ETV4: variants seen among roughly 807,000 people sequenced by gnomAD.
ETV4 encodes the protein ETS translocation variant 4.
ETV4 carries 42 observed loss-of-function variants against 65.9 expected under a neutral mutation model. The observed-to-expected ratio is 0.64, with a 90% CI of 0.50 to 0.82. ETV4 has a LOEUF of 0.82. Among genes scored for constraint, ETV4 ranks in the 40% least tolerant of loss-of-function variants. ETV4 has a pLI of 0.00. For missense variants in ETV4, 583 were observed against 630.3 expected, an observed-to-expected ratio of 0.92 and a Z score of 0.80; for synonymous variants, 238 against 260.0, an observed-to-expected ratio of 0.92 and a Z score of 0.81.
In ETV4 at chr17:43,532,772, C is replaced by T; in HGVS notation, c.713G>A (p.Gly238Asp). 1 of 1,614,026 alleles carries T rather than the reference C, an allele frequency of 6.2e-7. No homozygotes were observed. Among genetic ancestry groups the T allele is most frequent in the Non-Finnish European group, 8.5e-7 (1 of 1,180,000 alleles). Residue 238 changes from glycine (G) to aspartate (D), a missense_variant, in exon 8 of 13, where the codon GGC becomes GAC. Gly to Asp is a moderately conservative substitution (Grantham distance 94). Transcript: ENST00000319349. ...EYHDPLYEQA[G>D]QPAVDQGGVN... is the part of the protein sequence containing the mutation. ...CCCACCCTGGTCCACGGCTGGCTGGCCCGCCTGTTCATACAGGGGATCATG... is the reference window on the plus strand; with the variant it reads ...CCCACCCTGGTCCACGGCTGGCTGGTCCGCCTGTTCATACAGGGGATCATG...
chr17:43,534,710 C>A (rs112341138), intron 5 of ETV4, among the ~76,000 whole-genome samples: 2,108 of 152,164 alleles, frequency 0.014, 40 homozygotes, highest in African/African-American at 0.048. Flanking sequence ...GAGGCCGAGG[C>A]GGGCGGATCA....
chr17:43,542,925 C>T (rs538168657), intron 4 of ETV4, among the ~76,000 whole-genome samples: 1 of 152,314 alleles, frequency 6.6e-6, no homozygotes, highest in Admixed American at 6.5e-5. Flanking sequence ...AAGCTAGTCC[C>T]TCCCTGCCAC....
intron 12 of ETV4, 46 bp downstream of exon 12, chr17:43,529,089 C>G (rs988391364): frequency 1.3e-6 from 2 of 1,581,188 alleles, no homozygotes; most frequent in Non-Finnish European, 1.7e-6. Flanking sequence ...CAGCTTCTCA[C>G]AGCCACTGCC....
chr17:43,530,176 T>A lies in ETV4; in HGVS notation c.817A>T (p.Thr273Ser). Residue 273 changes from threonine (T) to serine (S), a missense_variant, in exon 9 of 13, where the codon ACC becomes TCC. Physicochemically the swap from Thr to Ser is moderately conservative, Grantham distance 58 (BLOSUM62 1). Coordinates refer to ENST00000319349, the MANE Select transcript of ETV4 (RefSeq NM_001079675.5). Reference protein sequence around the residue: ...QTDFAYDSDVTGCASMYLHTE... With the variant: ...QTDFAYDSDVSGCASMYLHTE... ...TGGAGGTACATTGATGCGCACCCGG[T>A]GACATCTGTGGGGGAAGAAGGGGTG... The A allele has an allele frequency of 6.4e-7, 1 of 1,554,802 alleles. No individual in the cohort carries two copies. Among genetic ancestry groups the A allele is most frequent in the Non-Finnish European group, 8.7e-7 (1 of 1,148,524 alleles).
At chr17:43,544,197 C>T (rs754696823) in intron 4 of ETV4, 19 of 152,662 alleles carry the variant, frequency 1.2e-4, no homozygotes, top group Non-Finnish European at 2.1e-4. Context: ...CACCAAAACG[C>T]ACTGAAGAAT....
intron 5 of ETV4, 85 bp from the exon 6 acceptor site, chr17:43,534,070 G>A: frequency 1.5e-6 from 2 of 1,357,964 alleles, no homozygotes; most frequent in Admixed American, 3.9e-5. Flanking sequence ...GAGCTTTGAG[G>A]ACCAGCTGGG....
Position 43,529,825 on chromosome 17 carries a change from C to G in ETV4, c.955+59G>C, listed in dbSNP as rs1373184451. 8.7e-6 allele frequency: 14 copies of G among 1,604,428 alleles called. No homozygotes were observed. In the East Asian group the frequency reaches 8.9e-5, roughly 10 times the overall value. On this transcript the variant is annotated intron_variant, in intron 10 of 12. Transcript: ENST00000319349. The stretch of plus-strand genomic sequence containing the variant: ...TGCAACAATGAAACGTGATGTGACT[C>G]CTGCAGGGACACAGCGTGATAAGAC...
rs1339332068 is a variant in ETV4, at chr17:43,533,967, G to A, written c.275C>T (p.Thr92Ile). The A allele has an allele frequency of 1.3e-6, 2 of 1,537,666 alleles. No homozygotes were observed. Among genetic ancestry groups the A allele is most frequent in the Non-Finnish European group, 1.7e-6 (2 of 1,153,878 alleles). ...HSENLAFHSP[T>I]TRIKKEPQSP... is the part of the protein sequence containing the mutation. The stretch of plus-strand genomic sequence containing the variant: ...CTGGGGCTCCTTCTTGATCCTGGTG[G>A]TGGGGCTGTGGAAAGCTACTGTGGG... Residue 92 changes from threonine (T) to isoleucine (I), a missense_variant, in exon 6 of 13, where the codon ACC becomes ATC. Coordinates refer to ENST00000319349, the MANE Select transcript of ETV4 (RefSeq NM_001079675.5).
rs959752890 is a variant in ETV4 at position 43,545,724 on chromosome 17, CGGGGAGGG to C, written c.-51-64_-51-57del. ...CGTCCAGGGAGGGCTGCGATGGGGG[CGGGGAGGG>C]GGCAGTCCCAAGGCTCTGGGTCCGA... On this transcript the variant is annotated intron_variant, in intron 1 of 12. Transcript: ENST00000319349. 18 of 675,004 alleles carry C rather than the reference CGGGGAGGG, an allele frequency of 2.7e-5. No homozygotes were observed. In the African/African-American group the frequency reaches 3.0e-4, roughly 11 times the overall value. The allele number at this position is 675,004 out of a possible 1,614,324, so 41.8% of individuals were successfully genotyped here.
At position 43,532,664 on chromosome 17, in the gene ETV4, A is replaced by C. The variant is rs777537367; in HGVS notation, c.811+10T>G. 4.4e-6 allele frequency: 7 copies of C among 1,605,134 alleles called. No individual in the cohort carries two copies. The South Asian group carries it at 7.7e-5, about 18-fold the overall frequency. On this transcript the variant is annotated intron_variant, in intron 8 of 12. Coordinates refer to ENST00000319349, the MANE Select transcript of ETV4 (RefSeq NM_001079675.5). ...ATCACATGCCACCCTGCCCCACCCC[A>C]GTCTCTTACCTGAGTCGTAGGCGAA...
At chr17:43,540,991 G>A (rs139327987) in intron 4 of ETV4, among the ~76,000 whole-genome samples, 2 of 152,266 alleles carry the variant, frequency 1.3e-5, no homozygotes, top group East Asian at 3.9e-4. Context: ...CACTGGTGCT[G>A]GAGAGCAGAG....
At chr17:43,529,483 G>A in intron 11 of ETV4, 21 bp downstream of exon 11, 1 of 1,594,180 alleles carries the variant, frequency 6.3e-7, no homozygotes, top group Non-Finnish European at 8.6e-7. Context: ...AAGGAGGGCT[G>A]GGAACATCCG....
rs1301957039 is a variant in ETV4 at position 43,528,588 on chromosome 17, G to A, written c.1386C>T (p.Ser462=). Residue 462 remains serine, a synonymous_variant, in exon 13 of 13, where the codon AGC becomes AGT. Coordinates refer to ENST00000319349, the MANE Select transcript of ETV4 (RefSeq NM_001079675.5). ...DTVPLSHLDE[S]PAYLPELAGP... ...CAGCCAGCTCTGGGAGGTAGGCGGG[G>A]CTCTCATCCAAGTGGGACAAAGGGA... The A allele has an allele frequency of 1.2e-6, 2 of 1,614,114 alleles. No individual in the cohort carries two copies. Among genetic ancestry groups the A allele is most frequent in the Non-Finnish European group, 1.7e-6 (2 of 1,180,004 alleles).
chr17:43,542,223 A>G (rs1187014826), intron 4 of ETV4, among the ~76,000 whole-genome samples: 1 of 152,128 alleles, frequency 6.6e-6, no homozygotes, highest in African/African-American at 2.4e-5. Context: ...CTTCCTAAAA[A>G]AATCCATACA....
intron 9 of ETV4, 51 bp from the exon 10 acceptor site, chr17:43,530,003 C>A (rs779942747): frequency 1.2e-6 from 2 of 1,612,184 alleles, no homozygotes; most frequent in South Asian, 1.1e-5. Flanking sequence ...ACCGATGAGA[C>A]CCCAGAGAGT....
intron 4 of ETV4, among the ~76,000 whole-genome samples, chr17:43,543,296 T>TCTCTGTCTCTCTCTCA (rs888736657): frequency 7.0e-6 from 1 of 143,358 alleles, no homozygotes; most frequent in Admixed American, 7.0e-5. Context: ...TCTCTCTCTC[T>TCTCTGTCTCTCTCTCA]CACACACACA....
chr17:43,529,279 G>T (rs1162688728), intron 11 of ETV4, 43 bp from the exon 12 acceptor site: 11 of 1,595,154 alleles, frequency 6.9e-6, no homozygotes, highest in African/African-American at 1.3e-5. Context: ...TACCTTGGCA[G>T]AGGAAAAAAT....
intron 8 of ETV4, chr17:43,530,473 T>C: frequency 7.6e-7 from 1 of 1,310,314 alleles, no homozygotes; most frequent in Non-Finnish European, 9.8e-7. Flanking sequence ...AGCAGCTGTT[T>C]CCTGCGAGTT....
intron 5 of ETV4, among the ~76,000 whole-genome samples, chr17:43,536,041 G>A (rs1038700174): frequency 1.3e-5 from 2 of 152,202 alleles, no homozygotes; most frequent in Non-Finnish European, 2.9e-5. Flanking sequence ...AACCCGGGAG[G>A]CGGAAGTTGC....
Sources: allele counts gnomAD v4.1 joint callset (sites outside exome capture counted in the v4.1 genomes callset), GRCh38; gene constraint gnomAD v4.1.1; transcripts MANE v1.5; gene names NCBI Gene and HGNC (gene_info 2026-07-23, HGNC 2026-07-21).